Variants in HSD17B14 observed in about 807,000 individuals in gnomAD.
HSD17B14 encodes the protein hydroxysteroid 17-beta dehydrogenase 14, also known as L-fucose dehydrogenase.
A neutral mutation model predicts 32.2 loss-of-function variants in HSD17B14; 32 were observed. That is an observed-to-expected ratio of 0.99 (90% CI 0.75 to 1.33). The LOEUF is 1.33. Among genes scored for constraint, HSD17B14 ranks in the 40% most tolerant of loss-of-function variants. The pLI, the probability that HSD17B14 is intolerant of heterozygous loss-of-function variation, is 0.00. For synonymous variants in HSD17B14, 140 were observed against 155.4 expected (o/e 0.90, Z 0.74); for missense variants, 370 against 366.5 (o/e 1.01, Z -0.08).
intron 5 of HSD17B14, among the ~76,000 whole-genome samples, chr19:48,825,743 AG>A (rs1470979395): frequency 6.6e-6 from 1 of 152,192 alleles, no homozygotes; most frequent in Non-Finnish European, 1.5e-5. Context: ...AAGAAGTGGC[AG>A]AGAATTTAGG....
Position 48,831,748 on chromosome 19 carries a change from G to C in HSD17B14, c.289C>G (p.Gln97Glu), listed in dbSNP as rs763197536. Reference protein sequence around the residue: ...VNNAGHHPPPQRPEETSAQGF... With the variant: ...VNNAGHHPPPERPEETSAQGF... ...TGGGCAGAGGTCTCCTCAGGCCTCT[G>C]TGGGGGTGGGTCTAAAGTGGGGGGT... Residue 97 changes from glutamine to glutamate, a missense_variant, in exon 5 of 9, where the codon CAG becomes GAG. Physicochemically the swap from Gln to Glu is conservative, Grantham distance 29. Coordinates refer to ENST00000263278, the MANE Select transcript of HSD17B14 (RefSeq NM_016246.3). 1.9e-6 allele frequency: 3 copies of C among 1,611,412 alleles called. No individual in the cohort carries two copies. The South Asian group carries it at 3.3e-5, about 18-fold the overall frequency.
chr19:48,822,260 G>A (rs987139988), intron 5 of HSD17B14, among the ~76,000 whole-genome samples: 1 of 147,762 alleles, frequency 6.8e-6, no homozygotes, highest in African/African-American at 2.5e-5. Flanking sequence ...GTAAATTTTA[G>A]TAATGACGGT....
chr19:48,815,263 A>C (rs905871546), intron 5 of HSD17B14, 122 bp from the exon 6 acceptor site: 1 of 734,556 alleles, frequency 1.4e-6, no homozygotes, highest in Non-Finnish European at 2.4e-6. Flanking sequence ...TTTCTAGTTG[A>C]TCTCAGTGAC....
chr19:48,826,542 T>TATATATATACACACACACAC, intron 5 of HSD17B14, among the ~76,000 whole-genome samples: 1 of 80,120 alleles, frequency 1.2e-5, no homozygotes, highest in African/African-American at 5.2e-5. Context: ...TATATATATA[T>TATATATATACACACACACAC]ACACACACAC....
At position 48,832,079 on chromosome 19, in the gene HSD17B14, GA is replaced by G. The variant is rs71294393; in HGVS notation, c.278-321del. 2.1e-3 allele frequency among the ~76,000 whole-genome samples: 129 copies of G among 60,090 alleles called. 1 individual carries two copies. Among genetic ancestry groups the G allele is most frequent in the South Asian group, 4.1e-3 (6 of 1,476 alleles). 39.4% of individuals were successfully genotyped at this position (60,090 alleles called of 152,430 possible). A position where few individuals can be genotyped will look rare whatever the true frequency, so the allele number is the denominator to read the frequency against. ...GGCGACAGAGTGAGACCCCATCTCAGAAAAAAAAAAAAAAAAAAAGCCGGGT... is the reference window on the plus strand; with the variant it reads ...GGCGACAGAGTGAGACCCCATCTCAGAAAAAAAAAAAAAAAAAAGCCGGGT... On this transcript the variant is annotated intron_variant, in intron 4 of 8. Coordinates refer to ENST00000263278, the MANE Select transcript of HSD17B14 (RefSeq NM_016246.3).
rs751041317 is a variant in HSD17B14 at position 48,832,697 on chromosome 19, G to T, written c.246C>A (p.Arg82=). Residue 82 remains arginine, a synonymous_variant, in exon 4 of 9, where the codon CGC becomes CGA. Transcript: ENST00000263278. ...CAGCGTTGTTGACAACACAATCCAG[G>T]CGGCCAAATCGGCGGATGGTCTCAG... is the stretch of plus-strand genomic sequence containing the variant. ...LVSETIRRFG[R]LDCVVNNAGH... is the part of the protein sequence containing the mutation. 6.2e-7 allele frequency: 1 copy of T among 1,613,600 alleles called. No individual in the cohort carries two copies. The highest frequency in any genetic ancestry group is 1.7e-5 in the Admixed American group (1 of 59,932).
intron 5 of HSD17B14, among the ~76,000 whole-genome samples, chr19:48,826,789 G>A (rs147582335): frequency 1.1e-3 from 171 of 151,640 alleles, no homozygotes; most frequent in Non-Finnish European, 2.0e-3. Context: ...CACTGGGCCC[G>A]CCCCCAGGCC....
chr19:48,835,762 A>T, intron 2 of HSD17B14, 43 bp downstream of exon 2: 2 of 1,608,162 alleles, frequency 1.2e-6, no homozygotes, highest in African/African-American at 1.3e-5. Context: ...TCTGGGTCTG[A>T]GGGAGGAAGG....
intron 4 of HSD17B14, among the ~76,000 whole-genome samples, chr19:48,832,401 A>G (rs1284741242): frequency 6.6e-6 from 1 of 151,950 alleles, no homozygotes; most frequent in African/African-American, 2.4e-5. Flanking sequence ...AAGAAAGAAG[A>G]GAAGAGAAGA....
intron 5 of HSD17B14, among the ~76,000 whole-genome samples, chr19:48,822,519 T>C (rs2122763839): frequency 6.6e-6 from 1 of 151,230 alleles, no homozygotes; most frequent in African/African-American, 2.4e-5. Flanking sequence ...ACGATGGTGA[T>C]GGTGATGACT....
chr19:48,813,925 G>T (rs2035006884), intron 6 of HSD17B14, among the ~76,000 whole-genome samples, 195 bp from the exon 7 acceptor site: 1 of 152,238 alleles, frequency 6.6e-6, no homozygotes. Flanking sequence ...GCCAGGTGCA[G>T]TGGCTCACAC....
In HSD17B14 at chr19:48,832,652, G is replaced by T. The variant is rs192095235; in HGVS notation, c.277+14C>A. On this transcript the variant is annotated intron_variant, in intron 4 of 8. Transcript: ENST00000263278. ...GCAGGAGGTGGAGAATGGCCCTGGG[G>T]TCTCACAACTCACGGTGGCCAGCGT... is the stretch of plus-strand genomic sequence containing the variant. 6.8e-6 allele frequency: 11 copies of T among 1,611,410 alleles called. No homozygotes were observed. Among genetic ancestry groups the T allele is most frequent in the Admixed American group, 6.7e-5 (4 of 59,732 alleles).
intron 5 of HSD17B14, among the ~76,000 whole-genome samples, chr19:48,825,710 G>A (rs145063026): frequency 3.9e-5 from 6 of 152,236 alleles, no homozygotes; most frequent in Admixed American, 2.0e-4. Context: ...GAAATGTTGC[G>A]TAACTTGCAT....
intron 5 of HSD17B14, among the ~76,000 whole-genome samples, chr19:48,816,071 C>G (rs1183194079): frequency 6.7e-6 from 1 of 149,934 alleles, no homozygotes. Flanking sequence ...GCCACCGTTT[C>G]TCCTGCAATT....
intron 5 of HSD17B14, among the ~76,000 whole-genome samples, chr19:48,827,512 T>G (rs1014296467): frequency 6.6e-6 from 1 of 151,906 alleles, no homozygotes; most frequent in African/African-American, 2.4e-5. Flanking sequence ...TAAGCAAGGG[T>G]GAGGGAAAGG....
rs1228330109 is a variant in HSD17B14 at position 48,813,117 on chromosome 19, G to T, written c.*58C>A. The T allele has an allele frequency of 8.3e-6, 10 of 1,204,428 alleles. No homozygotes were observed. The highest frequency in any genetic ancestry group is 1.1e-5 in the Non-Finnish European group (9 of 848,714). The allele number at this position is 1,204,428 out of a possible 1,614,324, so 74.6% of individuals were successfully genotyped here. On this transcript the variant is annotated 3_prime_UTR_variant, in exon 9 of 9. Transcript: ENST00000263278. ...GGCTTGGGGGCTGCATCTGATACAGGTTGGAGTTTGGGGTGGGAGAGTCCT... is the reference window on the plus strand; with the variant it reads ...GGCTTGGGGGCTGCATCTGATACAGTTTGGAGTTTGGGGTGGGAGAGTCCT...
intron 2 of HSD17B14, among the ~76,000 whole-genome samples, chr19:48,834,566 G>GGT (rs2035434317): frequency 2.6e-5 from 2 of 76,066 alleles, no homozygotes; most frequent in Non-Finnish European, 4.5e-5. Flanking sequence ...AGGGCTGGGA[G>GGT]CCTGGACTCC....
chr19:48,834,564 G>A (rs2035433995), intron 2 of HSD17B14, among the ~76,000 whole-genome samples: 1 of 80,242 alleles, frequency 1.2e-5, no homozygotes, highest in Non-Finnish European at 2.1e-5. Flanking sequence ...GAAGGGCTGG[G>A]AGCCTGGACT....
At position 48,826,542 on chromosome 19, in the gene HSD17B14, T is replaced by TATACACAC; in HGVS notation, c.369+5125_369+5126insGTGTGTAT. ...GAAAAGAAGAAAATATATATATATA[T>TATACACAC]ACACACACACACACACACACACACA... On this transcript the variant is annotated intron_variant, in intron 5 of 8. Coordinates refer to ENST00000263278, the MANE Select transcript of HSD17B14 (RefSeq NM_016246.3). Among the ~76,000 whole-genome samples, 180 of 80,108 alleles carry TATACACAC rather than the reference T, an allele frequency of 2.2e-3. 1 individual carries two copies. The highest frequency in any genetic ancestry group is 8.6e-3 in the African/African-American group (164 of 19,072). 52.6% of individuals were successfully genotyped at this position (80,108 alleles called of 152,430 possible).
Sources: allele counts gnomAD v4.1 joint callset (sites outside exome capture counted in the v4.1 genomes callset), GRCh38; gene constraint gnomAD v4.1.1; transcripts MANE v1.5; gene names NCBI Gene and HGNC (gene_info 2026-07-23, HGNC 2026-07-21).